ZNF407: variants seen among roughly 807,000 people sequenced by gnomAD.
ZNF407 encodes zinc finger protein 407.
Under a neutral mutation model 131.2 loss-of-function variants are expected in ZNF407, and 17 were observed. The ratio of observed to expected loss-of-function variants is 0.13; its 90% CI spans 0.09 to 0.19. The LOEUF (loss-of-function observed/expected upper bound fraction) is 0.19, where lower values mean the gene tolerates loss of function less well. Ranked by LOEUF, ZNF407 falls within the 10% of genes least tolerant of loss-of-function variation. The probability of loss-of-function intolerance (pLI) is 1.00; values close to 1 mark genes in which losing one functional copy is unlikely to be tolerated. For missense variants in ZNF407, 2,681 were observed against 2,830.6 expected, an observed-to-expected ratio of 0.95 and a Z score of 1.20; for synonymous variants, 1,156 against 1,062.0, an observed-to-expected ratio of 1.09 and a Z score of -1.72.
Position 75,064,112 on chromosome 18 carries a change from G to T in ZNF407, c.6391G>T (p.Glu2131Ter). 6.3e-7 allele frequency: 1 copy of T among 1,595,648 alleles called. No individual in the cohort carries two copies. Among genetic ancestry groups the T allele is most frequent in the South Asian group, 1.1e-5 (1 of 87,908 alleles). ...AQIIMQEAQG[E>*]HMDLVESDGE... is the part of the protein sequence containing the mutation. ...GATCATCATGCAGGAGGCGCAGGGC[G>T]AGCACATGGATCTGGTGGAGTCCGA... The change falls in exon 9 of 9, where the codon GAG (glutamate) becomes TAG (stop). Residue 2131 changes from glutamate (E) to a stop codon, truncating the protein, a stop_gained. Coordinates refer to ENST00000299687, the MANE Select transcript of ZNF407 (RefSeq NM_017757.3). LOFTEE classifies it low-confidence loss of function (END_TRUNC).
chr18:74,625,474 C>G (rs920213142), intron 1 of ZNF407, among the ~76,000 whole-genome samples: 1 of 152,128 alleles, frequency 6.6e-6, no homozygotes, highest in South Asian at 2.1e-4. Flanking sequence ...CAGTCGTGCA[C>G]TGCAGCAGTG....
At chr18:74,999,922 T>A (rs1972826155) in intron 8 of ZNF407, among the ~76,000 whole-genome samples, 1 of 152,224 alleles carries the variant, frequency 6.6e-6, no homozygotes, top group South Asian at 2.1e-4. Flanking sequence ...ACATGATAGC[T>A]TGTGATTTCC....
At chr18:74,993,526 T>A (rs1388411848) in intron 8 of ZNF407, among the ~76,000 whole-genome samples, 1 of 152,214 alleles carries the variant, frequency 6.6e-6, no homozygotes, top group African/African-American at 2.4e-5. Flanking sequence ...AATGAAATTA[T>A]TCTATATCTT....
At chr18:74,771,867 A>G (rs977460754) in intron 3 of ZNF407, among the ~76,000 whole-genome samples, 3 of 152,170 alleles carry the variant, frequency 2.0e-5, no homozygotes, top group African/African-American at 7.2e-5. Context: ...ATCTTAAAAA[A>G]AAATCTCTAT....
chr18:75,014,750 C>T lies in ZNF407; in HGVS notation c.5429-48400C>T, dbSNP rs187910601. On this transcript the variant is annotated intron_variant, in intron 8 of 8. Coordinates refer to ENST00000299687, the MANE Select transcript of ZNF407 (RefSeq NM_017757.3). ...ATTTACGTGTTGTTTTTTTTATATACAAATTGAAAGTAAAATTTGAAAATA... is the reference window on the plus strand; with the variant it reads ...ATTTACGTGTTGTTTTTTTTATATATAAATTGAAAGTAAAATTTGAAAATA... Among the ~76,000 whole-genome samples the T allele has an allele frequency of 1.3e-3, 203 of 151,946 alleles. 1 individual carries two copies. The highest frequency in any genetic ancestry group is 3.2e-3 in the Admixed American group (49 of 15,252).
At chr18:74,641,920 A>G (rs1984739232) in intron 3 of ZNF407, among the ~76,000 whole-genome samples, 1 of 152,196 alleles carries the variant, frequency 6.6e-6, no homozygotes, top group South Asian at 2.1e-4. Context: ...GCATCATATA[A>G]AAATTCTTCA....
intron 1 of ZNF407, among the ~76,000 whole-genome samples, chr18:74,607,610 C>T (rs917431979): frequency 6.6e-6 from 1 of 152,164 alleles, no homozygotes; most frequent in African/African-American, 2.4e-5. Context: ...GAGGCCCAGT[C>T]TTAGCAACGT....
At chr18:75,006,138 C>A (rs1022408636) in intron 8 of ZNF407, among the ~76,000 whole-genome samples, 11 of 152,126 alleles carry the variant, frequency 7.2e-5, no homozygotes, top group Non-Finnish European at 1.6e-4. Flanking sequence ...GGAGCTGCGA[C>A]GTGCAGTCCT....
intron 5 of ZNF407, among the ~76,000 whole-genome samples, 154 bp from the exon 6 acceptor site, chr18:74,880,880 TCA>T (rs1971227957): frequency 6.6e-6 from 1 of 152,260 alleles, no homozygotes; most frequent in African/African-American, 2.4e-5. Context: ...TCAGATTTTA[TCA>T]CAGTCAATAA....
At chr18:74,704,244 C>G (rs1157964163) in intron 3 of ZNF407, among the ~76,000 whole-genome samples, 2 of 152,212 alleles carry the variant, frequency 1.3e-5, no homozygotes, top group African/African-American at 4.8e-5. Flanking sequence ...TGGGCTTCCA[C>G]ACATTTTCAG....
At chr18:74,641,729 T>C (rs936954078) in intron 3 of ZNF407, among the ~76,000 whole-genome samples, 22 of 152,198 alleles carry the variant, frequency 1.4e-4, no homozygotes, top group African/African-American at 4.1e-4. Flanking sequence ...ATGTGTTGCA[T>C]TGGATAGAAA....
intron 3 of ZNF407, among the ~76,000 whole-genome samples, chr18:74,692,426 T>C (rs933972770): frequency 6.6e-6 from 1 of 152,122 alleles, no homozygotes; most frequent in Admixed American, 6.5e-5. Context: ...AGGGCTCTCC[T>C]TCCATGCTCG....
chr18:75,054,138 A>T lies in ZNF407; in HGVS notation c.5429-9012A>T, dbSNP rs956110386. Among the ~76,000 whole-genome samples the T allele has an allele frequency of 5.9e-5, 9 of 152,370 alleles. No homozygotes were observed. In the East Asian group the frequency reaches 1.7e-3, roughly 29 times the overall value. On this transcript the variant is annotated intron_variant, in intron 8 of 8. Coordinates refer to ENST00000299687, the MANE Select transcript of ZNF407 (RefSeq NM_017757.3). ...TGCCCAGCACATATGATTCATTTTA[A>T]GGCATAGAGAAGAAATCCGCATTGT...
At chr18:74,997,183 G>A (rs1480868417) in intron 8 of ZNF407, among the ~76,000 whole-genome samples, 1 of 152,220 alleles carries the variant, frequency 6.6e-6, no homozygotes, top group Non-Finnish European at 1.5e-5. Flanking sequence ...AGCTAGCAGT[G>A]GGAGGTAAGC....
chr18:74,958,224 G>C (rs1463944245), intron 8 of ZNF407, among the ~76,000 whole-genome samples: 1 of 152,206 alleles, frequency 6.6e-6, no homozygotes, highest in East Asian at 1.9e-4. Flanking sequence ...CAGTGGAAAA[G>C]ATCAGCAAAA....
intron 8 of ZNF407, among the ~76,000 whole-genome samples, chr18:74,944,961 C>T (rs886643861): frequency 3.9e-5 from 6 of 152,122 alleles, no homozygotes; most frequent in Non-Finnish European, 8.8e-5. Flanking sequence ...TGATTTCCAC[C>T]TGTATTTCCC....
intron 3 of ZNF407, among the ~76,000 whole-genome samples, chr18:74,752,743 T>G (rs1181696589): frequency 6.6e-6 from 1 of 152,232 alleles, no homozygotes; most frequent in Admixed American, 6.5e-5. Flanking sequence ...TATCTCTGTT[T>G]TGGTACCAGT....
chr18:75,039,904 G>A (rs1029842251), intron 8 of ZNF407, among the ~76,000 whole-genome samples: 10 of 151,534 alleles, frequency 6.6e-5, no homozygotes, highest in African/African-American at 1.5e-4. Context: ...TCTCATAAGC[G>A]GAATTTCTTG....
At chr18:74,920,733 T>G (rs765180030) in intron 8 of ZNF407, 41 bp downstream of exon 8, 44 of 1,567,814 alleles carry the variant, frequency 2.8e-5, no homozygotes, top group Non-Finnish European at 3.8e-5. Flanking sequence ...CTAACAGGAT[T>G]TCATGTGATC....
Sources: gnomAD v4.1 joint callset for allele counts (sites outside exome capture counted in the v4.1 genomes callset) on GRCh38, gnomAD v4.1.1 for gene constraint, MANE v1.5 for transcripts, NCBI Gene and HGNC (gene_info 2026-07-23, HGNC 2026-07-21) for gene names.